Variants in ADCY3 observed in about 807,000 individuals in gnomAD.
ADCY3 encodes adenylate cyclase type 3.
In ADCY3, 70 loss-of-function variants were observed where a neutral mutation model predicts 119.4. The observed-to-expected ratio is 0.59, with a 90% CI of 0.48 to 0.72. The LOEUF (loss-of-function observed/expected upper bound fraction) is 0.72. Ranked by LOEUF, ADCY3 falls within the 30% of genes least tolerant of loss-of-function variation. The pLI is 0.00. For missense variants in ADCY3, 1,238 were observed against 1,541.6 expected (o/e 0.80, Z 3.30); for synonymous variants, 672 against 621.4 (o/e 1.08, Z -1.21).
At chr2:24,820,174 G>GT in intron 21 of ADCY3, 60 bp from the exon 22 acceptor site, 2 of 1,299,280 alleles carry the variant, frequency 1.5e-6, no homozygotes, top group East Asian at 5.1e-5. Flanking sequence ...CTGAGGGCGG[G>GT]TGGGGGCTTT....
At chr2:24,827,523 G>A (rs1487090926) in intron 15 of ADCY3, 23 bp downstream of exon 15, 1 of 1,572,484 alleles carries the variant, frequency 6.4e-7, no homozygotes, top group Non-Finnish European at 8.7e-7. Flanking sequence ...GTGCAGGCCA[G>A]GAGGGGAAGC....
chr2:24,874,260 T>C (rs1164826648), intron 2 of ADCY3, among the ~76,000 whole-genome samples: 1 of 152,110 alleles, frequency 6.6e-6, no homozygotes, highest in Non-Finnish European at 1.5e-5. Flanking sequence ...CGGGTGTAGA[T>C]TCCCAAGCTC....
chr2:24,891,838 AGTT>A (rs536845040), intron 2 of ADCY3, among the ~76,000 whole-genome samples: 67 of 152,342 alleles, frequency 4.4e-4, no homozygotes, highest in East Asian at 2.1e-3. Context: ...TTTTATTATC[AGTT>A]GTTGTTCATC....
rs1558536847 is a variant in ADCY3 at position 24,918,867 on chromosome 2, G to GGACC, written c.117_120dup (p.Arg41GlyfsTer50). 2 of 1,613,134 alleles carry GGACC rather than the reference G, an allele frequency of 1.2e-6. No individual in the cohort carries two copies. Among genetic ancestry groups the GGACC allele is most frequent in the Admixed American group, 3.3e-5 (2 of 60,024 alleles). On this transcript the variant is annotated frameshift_variant, in exon 2 of 22. Transcript: ENST00000679454. LOFTEE classifies it high-confidence loss of function. This position sits in a 1 kb window ranked among gnomAD's most constrained non-coding sequence, Gnocchi z 5.4. Reference sequence around the variant, plus strand: ...AGGCACAGGCAGGAGCCCGAGTTCCGGACCGAGATTTCATGGGTCCGGCCC... The same window carrying GGACC: ...AGGCACAGGCAGGAGCCCGAGTTCCGGACCGACCGAGATTTCATGGGTCCGGCCC...
intron 3 of ADCY3, among the ~76,000 whole-genome samples, chr2:24,849,928 A>T (rs1672099801): frequency 6.6e-6 from 1 of 151,966 alleles, no homozygotes; most frequent in African/African-American, 2.4e-5. Flanking sequence ...GCTGTGCGAC[A>T]CCATTGCCCA....
At chr2:24,871,741 G>A (rs1373418722) in intron 3 of ADCY3, among the ~76,000 whole-genome samples, 2 of 152,212 alleles carry the variant, frequency 1.3e-5, no homozygotes, top group Non-Finnish European at 2.9e-5. Flanking sequence ...TTTTTGAAGG[G>A]GAAATAACCC....
chr2:24,862,365 T>C (rs1673769505), intron 3 of ADCY3, among the ~76,000 whole-genome samples: 1 of 152,086 alleles, frequency 6.6e-6, no homozygotes, highest in Admixed American at 6.5e-5. Flanking sequence ...GCTAACACGG[T>C]GAAACCCCGT....
At chr2:24,914,912 A>G (rs1239096245) in intron 2 of ADCY3, among the ~76,000 whole-genome samples, 1 of 151,854 alleles carries the variant, frequency 6.6e-6, no homozygotes, top group Non-Finnish European at 1.5e-5. Flanking sequence ...GCCCCACCCC[A>G]TCCCACACTC....
At chr2:24,835,001 A>G in intron 9 of ADCY3, 65 bp from the exon 10 acceptor site, 1 of 1,566,044 alleles carries the variant, frequency 6.4e-7, no homozygotes, top group Non-Finnish European at 8.7e-7. Flanking sequence ...GAGCTGGGAA[A>G]GACAGAGGTG....
intron 2 of ADCY3, among the ~76,000 whole-genome samples, chr2:24,885,340 G>A (rs1329183773): frequency 6.6e-6 from 1 of 152,198 alleles, no homozygotes; most frequent in African/African-American, 2.4e-5. Context: ...GCGGGACCAG[G>A]AGTGGAAAAC....
At chr2:24,865,167 G>A (rs1351040216) in intron 3 of ADCY3, among the ~76,000 whole-genome samples, 2 of 152,156 alleles carry the variant, frequency 1.3e-5, no homozygotes, top group Non-Finnish European at 2.9e-5. Flanking sequence ...TAAGATAGTA[G>A]GTGAAAAGAT....
Position 24,841,236 on chromosome 2 carries a change from C to A in ADCY3, c.1196+23G>T. 1 of 1,539,720 alleles carries A rather than the reference C, an allele frequency of 6.5e-7. No homozygotes were observed. The highest frequency in any genetic ancestry group is 1.2e-5 in the South Asian group (1 of 83,908). On this transcript the variant is annotated intron_variant, in intron 6 of 21. Transcript: ENST00000679454. The surrounding 1 kb of genome is among the most constrained non-coding windows in gnomAD (Gnocchi z 5.8). Reference sequence around the variant, plus strand: ...CCGGGGCCCTTGCTCTGGGAGCCTCCCTCCCAGAGGCATCCCACTTACGAG... The same window carrying A: ...CCGGGGCCCTTGCTCTGGGAGCCTCACTCCCAGAGGCATCCCACTTACGAG...
In ADCY3 at chr2:24,841,148, A is replaced by G; in HGVS notation, c.1196+111T>C. On this transcript the variant is annotated intron_variant, in intron 6 of 21. Transcript: ENST00000679454. This position sits in a 1 kb window ranked among gnomAD's most constrained non-coding sequence, Gnocchi z 5.8. ...GTGCTGTGTCCCAGTCTCTGCTTCC[A>G]GCAGATCCCCCACCCAGGGGCCATG... is the stretch of plus-strand genomic sequence containing the variant. 7.9e-7 allele frequency: 1 copy of G among 1,266,300 alleles called. No homozygotes were observed. The highest frequency in any genetic ancestry group is 1.1e-6 in the Non-Finnish European group (1 of 945,328). The allele number at this position is 1,266,300 out of a possible 1,614,324, so 78.4% of individuals were successfully genotyped here.
intron 2 of ADCY3, among the ~76,000 whole-genome samples, chr2:24,914,256 C>T (rs1175532860): frequency 6.6e-6 from 1 of 152,204 alleles, no homozygotes; most frequent in Non-Finnish European, 1.5e-5. Context: ...GAGCAGCAAT[C>T]AGTGCTCCAT....
chr2:24,895,177 T>G (rs962908927), intron 2 of ADCY3, among the ~76,000 whole-genome samples: 1 of 152,082 alleles, frequency 6.6e-6, no homozygotes, highest in Non-Finnish European at 1.5e-5. Context: ...TGCAACCTCC[T>G]CCTCATGGGT....
rs1667521775 is a variant in ADCY3, at chr2:24,820,787, G to C, written c.3189C>G (p.Ile1063Met). ...TGGCTACATTGACTGTATTGCCCCA[G>C]ATGTCGTAGTGTGGTTTCCGGGCTC... ...VIGARKPHYD[I>M]WGNTVNVASR... Residue 1063 changes from isoleucine (I) to methionine (M), a missense_variant, in exon 21 of 22, where the codon ATC becomes ATG. Transcript: ENST00000679454. 1 of 1,613,994 alleles carries C rather than the reference G, an allele frequency of 6.2e-7. No individual in the cohort carries two copies. Among genetic ancestry groups the C allele is most frequent in the African/African-American group, 1.3e-5 (1 of 74,894 alleles).
chr2:24,859,989 G>C (rs1444479749), intron 3 of ADCY3, among the ~76,000 whole-genome samples: 1 of 152,200 alleles, frequency 6.6e-6, no homozygotes, highest in Non-Finnish European at 1.5e-5. Flanking sequence ...ACTGTGGACA[G>C]TCCTCACCTC....
chr2:24,867,641 C>T (rs916080650), intron 3 of ADCY3, among the ~76,000 whole-genome samples: 1 of 152,150 alleles, frequency 6.6e-6, no homozygotes, highest in Non-Finnish European at 1.5e-5. Flanking sequence ...AAAATAAGCA[C>T]ACTCCTAGGT....
At chr2:24,912,503 A>C (rs1663844774) in intron 2 of ADCY3, among the ~76,000 whole-genome samples, 2 of 151,922 alleles carry the variant, frequency 1.3e-5, no homozygotes, top group South Asian at 4.2e-4. Context: ...CATCTGACGG[A>C]GGGTTTACCC....
Sources: allele counts gnomAD v4.1 joint callset (sites outside exome capture counted in the v4.1 genomes callset), GRCh38; gene constraint gnomAD v4.1.1; non-coding constraint Gnocchi (gnomAD v3.1); transcripts MANE v1.5; gene names NCBI Gene and HGNC (gene_info 2026-07-23, HGNC 2026-07-21).